The following DSN1 variants were observed in gnomAD, a reference collection of about 807,000 sequenced individuals.
The protein encoded by DSN1 is kinetochore-associated protein DSN1 homolog.
In DSN1, 31 loss-of-function variants were observed where a neutral mutation model predicts 45.7. That is an observed-to-expected ratio of 0.68 (90% CI 0.51 to 0.92). DSN1 has a LOEUF of 0.92. Among genes scored for constraint, DSN1 ranks in the 40% least tolerant of loss-of-function variants. DSN1 has a pLI of 0.00. For synonymous variants in DSN1, 134 were observed against 142.3 expected (o/e 0.94, Z 0.41); for missense variants, 394 against 414.2 (o/e 0.95, Z 0.42).
At chr20:36,771,615 A>AGGTGG in intron 1 of DSN1, 142 bp from the exon 2 acceptor site, 1 of 664,336 alleles carries the variant, frequency 1.5e-6, no homozygotes, top group Non-Finnish European at 2.6e-6. Flanking sequence ...AGAGAATATC[A>AGGTGG]GCAGGGGCCA....
At chr20:36,773,605 A>C (rs879554076) in intron 1 of DSN1, 57 bp downstream of exon 1, 2 of 985,650 alleles carry the variant, frequency 2.0e-6, no homozygotes, top group African/African-American at 1.7e-5. Context: ...GGGCGGGGCC[A>C]CATCAGAGGA....
In DSN1 at chr20:36,766,194, C is replaced by CAA. The variant is rs368772931; in HGVS notation, c.502+573_502+574dup. Among the ~76,000 whole-genome samples, 306 of 47,828 alleles carry CAA rather than the reference C, an allele frequency of 6.4e-3. 2 individuals carry two copies. The highest frequency in any genetic ancestry group is 0.019 in the African/African-American group (261 of 13,994). The allele number at this position is 47,828 out of a possible 152,430, so 31.4% of individuals were successfully genotyped here. A position where few individuals can be genotyped will look rare whatever the true frequency, so the allele number is the denominator to read the frequency against. Reference sequence around the variant, plus strand: ...GGGTGACAGAGCCGCGACTCCATCTCAAAAAAAAAAAAAAAAAAGAAAAAA... The same window carrying CAA: ...GGGTGACAGAGCCGCGACTCCATCTCAAAAAAAAAAAAAAAAAAAAGAAAAAA... On this transcript the variant is annotated intron_variant, in intron 5 of 10. Transcript: ENST00000373750.
At chr20:36,761,963 T>C (rs1036101994) in intron 6 of DSN1, among the ~76,000 whole-genome samples, 4 of 151,520 alleles carry the variant, frequency 2.6e-5, no homozygotes, top group African/African-American at 9.7e-5. Context: ...AAGCCAAGAT[T>C]GCACCATTGC....
chr20:36,767,280 C>T (rs1288393858), intron 4 of DSN1, among the ~76,000 whole-genome samples: 1 of 151,866 alleles, frequency 6.6e-6, no homozygotes, highest in East Asian at 1.9e-4. Flanking sequence ...GCACTCCAGC[C>T]TGGTGACAGA....
chr20:36,754,830 T>G lies in DSN1; in HGVS notation c.894A>C (p.Ser298=). The G allele has an allele frequency of 1.9e-6, 3 of 1,613,912 alleles. No homozygotes were observed. Among genetic ancestry groups the G allele is most frequent in the Non-Finnish European group, 1.7e-6 (2 of 1,179,842 alleles). ...MELVMDELQG[S]VKQLQAFMDE... Reference sequence around the variant, plus strand: ...CCATAAAGGCCTGCAGCTGTTTCACTGATCCTTGCAGTTCATCCATCTGTA... The same window carrying G: ...CCATAAAGGCCTGCAGCTGTTTCACGGATCCTTGCAGTTCATCCATCTGTA... The change falls in exon 10 of 11, where the codon TCA becomes TCC. Residue 298 remains serine, a synonymous_variant. Coordinates refer to ENST00000373750, the MANE Select transcript of DSN1 (RefSeq NM_001145315.2).
intron 3 of DSN1, 138 bp downstream of exon 3, chr20:36,770,735 T>A: frequency 2.1e-6 from 2 of 941,292 alleles, no homozygotes; most frequent in East Asian, 2.4e-5. Flanking sequence ...ACTAGGTGTT[T>A]GACATCAGTA....
In DSN1 at chr20:36,762,469, A is replaced by G; in HGVS notation, c.582T>C (p.Asp194=). 1 of 1,613,326 alleles carries G rather than the reference A, an allele frequency of 6.2e-7. No homozygotes were observed. Among genetic ancestry groups the G allele is most frequent in the Non-Finnish European group, 8.5e-7 (1 of 1,179,690 alleles). The change falls in exon 6 of 11, where the codon GAT becomes GAC. Residue 194 remains aspartate, a synonymous_variant. Transcript: ENST00000373750. ...TDGTLQKCFE[D]SNGKASDFSL... is the part of the protein sequence containing the mutation. ...AGGGGAACTGCTCTTACCCATTTGAATCTTCAAAACATTTTTGTAGAGTTC... is the reference window on the plus strand; with the variant it reads ...AGGGGAACTGCTCTTACCCATTTGAGTCTTCAAAACATTTTTGTAGAGTTC...
At chr20:36,768,117 C>A in intron 3 of DSN1, 75 bp from the exon 4 acceptor site, 1 of 1,436,364 alleles carries the variant, frequency 7.0e-7, no homozygotes. Context: ...GAAAAATGTC[C>A]TCCCTCTTGA....
rs1398189658 is a variant in DSN1, at chr20:36,754,855, A to G, written c.874-5T>C. 1 of 1,613,470 alleles carries G rather than the reference A, an allele frequency of 6.2e-7. No homozygotes were observed. Among genetic ancestry groups the G allele is most frequent in the Admixed American group, 1.7e-5 (1 of 59,994 alleles). Reference sequence around the variant, plus strand: ...TGATCCTTGCAGTTCATCCATCTGTAGAAAAAAGACAGCTGTGAGCTGTAA... The same window carrying G: ...TGATCCTTGCAGTTCATCCATCTGTGGAAAAAAGACAGCTGTGAGCTGTAA... On this transcript the variant is annotated splice_region_variant and splice_polypyrimidine_tract_variant and intron_variant, in intron 9 of 10. Transcript: ENST00000373750.
At chr20:36,756,238 C>T (rs565006887) in intron 8 of DSN1, among the ~76,000 whole-genome samples, 4 of 152,116 alleles carry the variant, frequency 2.6e-5, no homozygotes, top group Non-Finnish European at 5.9e-5. Context: ...CTTCGGCCTC[C>T]CAAAGTGCTG....
intron 6 of DSN1, among the ~76,000 whole-genome samples, chr20:36,759,193 G>A (rs1986840819): frequency 6.6e-6 from 1 of 151,972 alleles, no homozygotes; most frequent in Admixed American, 6.6e-5. Flanking sequence ...ATGTTGGCCA[G>A]GCTGGTCTCA....
Position 36,758,101 on chromosome 20 carries a change from T to G in DSN1, c.711A>C (p.Lys237Asn). 1 of 1,614,026 alleles carries G rather than the reference T, an allele frequency of 6.2e-7. No homozygotes were observed. Among genetic ancestry groups the G allele is most frequent in the Non-Finnish European group, 8.5e-7 (1 of 1,179,944 alleles). Reference sequence around the variant, plus strand: ...ATAGATCTAACCTGGACAATATCTCTTTAGCCTCCTGCTGGTAGTGAAGCA... The same window carrying G: ...ATAGATCTAACCTGGACAATATCTCGTTAGCCTCCTGCTGGTAGTGAAGCA... ...QLLLHYQQEAKEILSRGSTEA... is the reference protein window; with the variant it reads ...QLLLHYQQEANEILSRGSTEA... The change falls in exon 8 of 11, where the codon AAA (lysine) becomes AAC (asparagine). Residue 237 changes from lysine to asparagine, a missense_variant. Lys to Asn is a moderately conservative substitution (Grantham distance 94, BLOSUM62 0). Coordinates refer to ENST00000373750, the MANE Select transcript of DSN1 (RefSeq NM_001145315.2).
intron 10 of DSN1, among the ~76,000 whole-genome samples, chr20:36,753,635 CAAA>C (rs1290145844): frequency 2.0e-5 from 1 of 49,890 alleles, no homozygotes; most frequent in Admixed American, 2.3e-4. Flanking sequence ...GAGACTGTCT[CAAA>C]AAAAAAAAAA....
intron 3 of DSN1, among the ~76,000 whole-genome samples, chr20:36,769,924 CACACACACACACACACAGAG>C (rs914623760): frequency 5.6e-5 from 8 of 143,286 alleles, no homozygotes; most frequent in Admixed American, 1.5e-4. Flanking sequence ...CACACACACA[CACACACACACACACACAGAG>C]AGAGAGAGAC....
At chr20:36,757,321 A>G (rs999479016) in intron 8 of DSN1, among the ~76,000 whole-genome samples, 4 of 151,906 alleles carry the variant, frequency 2.6e-5, no homozygotes, top group Non-Finnish European at 4.4e-5. Flanking sequence ...GTGCCACTGC[A>G]TTCCAGCCTG....
At chr20:36,765,023 A>C (rs1160244908) in intron 5 of DSN1, among the ~76,000 whole-genome samples, 1 of 151,976 alleles carries the variant, frequency 6.6e-6, no homozygotes, top group Non-Finnish European at 1.5e-5. Context: ...AAAACTACAA[A>C]ATATCTTCTA....
chr20:36,772,556 C>T (rs929691385), intron 1 of DSN1, among the ~76,000 whole-genome samples: 2 of 152,126 alleles, frequency 1.3e-5, no homozygotes, highest in Non-Finnish European at 2.9e-5. Context: ...TCCCAAAGTG[C>T]TGGGATTACA....
intron 7 of DSN1, 138 bp from the exon 8 acceptor site, chr20:36,758,299 G>A (rs1377935585): frequency 1.2e-6 from 1 of 840,260 alleles, no homozygotes; most frequent in Non-Finnish European, 1.9e-6. Flanking sequence ...TAGAAAGCCT[G>A]ACCAATTCAG....
chr20:36,761,366 T>C (rs998376455), intron 6 of DSN1, among the ~76,000 whole-genome samples: 1 of 152,208 alleles, frequency 6.6e-6, no homozygotes, highest in Non-Finnish European at 1.5e-5. Flanking sequence ...GTGTCTTCTA[T>C]TATAATGTAT....
Sources: allele counts gnomAD v4.1 joint callset (sites outside exome capture counted in the v4.1 genomes callset), GRCh38; gene constraint gnomAD v4.1.1; transcripts MANE v1.5; gene names NCBI Gene and HGNC (gene_info 2026-07-23, HGNC 2026-07-21).